The following AGBL4 variants were observed in gnomAD, a reference collection of about 807,000 sequenced individuals.
AGBL4 encodes the protein cytosolic carboxypeptidase 6.
In AGBL4, 58 loss-of-function variants were observed where a neutral mutation model predicts 66.4. The observed-to-expected ratio is 0.87, with a 90% CI of 0.71 to 1.09. The LOEUF is 1.09. Ranked by LOEUF, AGBL4 falls within the 50% of genes least tolerant of loss-of-function variation. The pLI is 0.00. For synonymous variants in AGBL4, 234 were observed against 222.9 expected, an observed-to-expected ratio of 1.05 and a Z score of -0.44; for missense variants, 579 against 631.0, an observed-to-expected ratio of 0.92 and a Z score of 0.88.
At chr1:49,420,687 C>T (rs1243532281) in intron 3 of AGBL4, among the ~76,000 whole-genome samples, 7 of 136,220 alleles carry the variant, frequency 5.1e-5, no homozygotes, top group Non-Finnish European at 3.1e-5. Context: ...GGTGACTGAG[C>T]GAGACTCCGT....
chr1:49,234,697 T>C (rs2148304345), intron 4 of AGBL4, among the ~76,000 whole-genome samples: 1 of 152,260 alleles, frequency 6.6e-6, no homozygotes, highest in Non-Finnish European at 1.5e-5. Context: ...AGGAGTTGGG[T>C]AACCAATTTG....
intron 3 of AGBL4, among the ~76,000 whole-genome samples, chr1:49,512,835 T>C (rs1649399042): frequency 6.6e-6 from 1 of 151,832 alleles, no homozygotes; most frequent in Non-Finnish European, 1.5e-5. Flanking sequence ...TCACCCTAGA[T>C]CACAGAGCTA....
intron 4 of AGBL4, among the ~76,000 whole-genome samples, chr1:49,142,274 T>C (rs569459093): frequency 2.6e-5 from 4 of 152,250 alleles, no homozygotes; most frequent in African/African-American, 9.6e-5. Context: ...GGTTGGAGAC[T>C]GCCATCTTGA....
chr1:48,571,939 G>T (rs1644570509), intron 11 of AGBL4, among the ~76,000 whole-genome samples: 1 of 152,126 alleles, frequency 6.6e-6, no homozygotes, highest in South Asian at 2.1e-4. Flanking sequence ...CTCTTGGGGA[G>T]GCAGAAGTGA....
chr1:49,383,737 C>T lies in AGBL4; in HGVS notation c.283-137873G>A, dbSNP rs537643391. On this transcript the variant is annotated intron_variant, in intron 3 of 13. Transcript: ENST00000371839. ...AGTTTAATAATATTGTATTCAGCAG[C>T]GATTTCTGGCACAGATAACAAAAGC... Among the ~76,000 whole-genome samples, 7 of 151,626 alleles carry T rather than the reference C, an allele frequency of 4.6e-5. No individual in the cohort carries two copies. The East Asian group carries it at 7.7e-4, about 17-fold the overall frequency.
intron 3 of AGBL4, among the ~76,000 whole-genome samples, chr1:49,456,532 A>G (rs1646392715): frequency 6.6e-6 from 1 of 151,604 alleles, no homozygotes; most frequent in Admixed American, 6.6e-5. Context: ...AGTAGTTTCC[A>G]TCATTTATTT....
chr1:49,341,913 C>A (rs1414040156), intron 3 of AGBL4, among the ~76,000 whole-genome samples: 1 of 152,108 alleles, frequency 6.6e-6, no homozygotes, highest in Non-Finnish European at 1.5e-5. Context: ...TTTTTCTAAC[C>A]TTTCTGCTCT....
At chr1:49,845,988 AG>A (rs1282441270) in intron 2 of AGBL4, 3 of 1,585,246 alleles carry the variant, frequency 1.9e-6, no homozygotes, top group Non-Finnish European at 2.6e-6. Flanking sequence ...AACCACACTG[AG>A]GAGAAGCCCT....
At chr1:48,695,619 C>T (rs1039870190) in intron 6 of AGBL4, among the ~76,000 whole-genome samples, 28 of 152,080 alleles carry the variant, frequency 1.8e-4, no homozygotes, top group Non-Finnish European at 3.8e-4. Flanking sequence ...CGGACCGGCC[C>T]GTTACAGCTT....
chr1:48,541,047 A>G (rs1241622676), intron 11 of AGBL4, among the ~76,000 whole-genome samples: 1 of 152,140 alleles, frequency 6.6e-6, no homozygotes, highest in Non-Finnish European at 1.5e-5. Context: ...TTATTTTCTC[A>G]ACATTATGCT....
chr1:50,017,958 T>C (rs1398439533), intron 1 of AGBL4, among the ~76,000 whole-genome samples: 1 of 152,126 alleles, frequency 6.6e-6, no homozygotes, highest in Non-Finnish European at 1.5e-5. Flanking sequence ...CAGCCCATAA[T>C]AGTAATTTCT....
At chr1:49,426,320 G>A (rs1237872124) in intron 3 of AGBL4, among the ~76,000 whole-genome samples, 5 of 151,888 alleles carry the variant, frequency 3.3e-5, no homozygotes, top group East Asian at 3.9e-4. Flanking sequence ...TTATGCATGC[G>A]GAATAAAAAG....
chr1:49,829,699 C>T (rs1455367584), intron 2 of AGBL4, among the ~76,000 whole-genome samples: 8 of 152,012 alleles, frequency 5.3e-5, no homozygotes, highest in Non-Finnish European at 8.8e-5. Flanking sequence ...ACATGTGCCA[C>T]GGTGGTTTGA....
intron 11 of AGBL4, among the ~76,000 whole-genome samples, chr1:48,571,910 C>T (rs527629577): frequency 2.0e-5 from 3 of 152,246 alleles, no homozygotes; most frequent in Non-Finnish European, 4.4e-5. Flanking sequence ...GACACTCAAA[C>T]AAGAAGCTAC....
intron 3 of AGBL4, among the ~76,000 whole-genome samples, chr1:49,247,021 T>C (rs1414668854): frequency 2.0e-5 from 3 of 152,072 alleles, no homozygotes. Flanking sequence ...ATTTAATAAA[T>C]GTAGACACTA....
intron 4 of AGBL4, among the ~76,000 whole-genome samples, chr1:49,085,235 C>T (rs1202403294): frequency 6.6e-6 from 1 of 151,704 alleles, no homozygotes; most frequent in Non-Finnish European, 1.5e-5. Context: ...ATTCCTGGTT[C>T]TTAGCTCTCG....
intron 6 of AGBL4, chr1:48,759,424 T>G: frequency 6.0e-6 from 8 of 1,339,236 alleles, no homozygotes; most frequent in Non-Finnish European, 7.8e-6. Flanking sequence ...AAACACTTAG[T>G]CAAAGCCCTT....
At chr1:49,280,604 G>A (rs1419626977) in intron 3 of AGBL4, among the ~76,000 whole-genome samples, 2 of 152,188 alleles carry the variant, frequency 1.3e-5, no homozygotes, top group African/African-American at 2.4e-5. Context: ...TCAAGTTCAA[G>A]GGCCAGAGGT....
chr1:49,789,836 A>G (rs1644550613), intron 2 of AGBL4, among the ~76,000 whole-genome samples: 1 of 152,204 alleles, frequency 6.6e-6, no homozygotes, highest in South Asian at 2.1e-4. Context: ...ACTACTTTAC[A>G]TGTCATAAGG....
Sources: allele counts gnomAD v4.1 joint callset (sites outside exome capture counted in the v4.1 genomes callset), GRCh38; gene constraint gnomAD v4.1.1; transcripts MANE v1.5; gene names NCBI Gene and HGNC (gene_info 2026-07-23, HGNC 2026-07-21).